ZNF503: variants seen among roughly 807,000 people sequenced by gnomAD.
ZNF503 encodes zinc finger protein 503.
In ZNF503, 15 loss-of-function variants were observed where a neutral mutation model predicts 34.4. That is an observed-to-expected ratio of 0.44 (90% CI 0.29 to 0.67). ZNF503 has a LOEUF of 0.67. Ranked by LOEUF, ZNF503 falls within the 30% of genes least tolerant of loss-of-function variation. ZNF503 has a pLI of 0.13. For synonymous variants in ZNF503, 580 were observed against 456.8 expected, an observed-to-expected ratio of 1.27 and a Z score of -3.44; for missense variants, 1,007 against 926.8, an observed-to-expected ratio of 1.09 and a Z score of -1.12.
chr10:75,329,434 C>CTTT, the ZNF503 span, among the ~76,000 whole-genome samples: 118 of 87,454 alleles, frequency 1.3e-3, no homozygotes, highest in Middle Eastern at 7.4e-3. Context: ...TTCCTTCCTT[C>CTTT]CTTTCTTTCT....
chr10:75,285,652 G>A, the ZNF503 span, among the ~76,000 whole-genome samples: 1 of 152,222 alleles, frequency 6.6e-6, no homozygotes, highest in African/African-American at 2.4e-5. Context: ...ACACTGACAT[G>A]ATAGGAATAT....
chr10:75,280,151 A>G, the ZNF503 span: 3 of 152,258 alleles, frequency 2.0e-5, no homozygotes, highest in Non-Finnish European at 2.9e-5. Context: ...AAAAAAAGAA[A>G]GAAAAAAGGG....
the ZNF503 span, among the ~76,000 whole-genome samples, chr10:75,285,946 G>A: frequency 6.6e-6 from 1 of 152,058 alleles, no homozygotes; most frequent in African/African-American, 2.4e-5. Context: ...CATTTGTATC[G>A]GGTGGGCTCA....
At chr10:75,330,929 T>C in the ZNF503 span, among the ~76,000 whole-genome samples, 4 of 152,172 alleles carry the variant, frequency 2.6e-5, no homozygotes, top group Non-Finnish European at 5.9e-5. Flanking sequence ...TTGAGATGCA[T>C]TGTTAGGTTT....
At chr10:75,368,953 G>C in the ZNF503 span, among the ~76,000 whole-genome samples, 2 of 152,208 alleles carry the variant, frequency 1.3e-5, no homozygotes, top group African/African-American at 4.8e-5. Context: ...CTGGAATGCA[G>C]GTATTCCATA....
At chr10:75,383,145 T>C in the ZNF503 span, among the ~76,000 whole-genome samples, 6 of 152,304 alleles carry the variant, frequency 3.9e-5, no homozygotes, top group African/African-American at 9.6e-5. Context: ...ATGGTCCTCA[T>C]TGTGTAACCT....
chr10:75,379,341 ATGT>A, the ZNF503 span, among the ~76,000 whole-genome samples: 1 of 152,172 alleles, frequency 6.6e-6, no homozygotes, highest in Non-Finnish European at 1.5e-5. Context: ...ACCATTAACG[ATGT>A]TGATTTTATC....
chr10:75,398,829 CG>C lies in ZNF503; in HGVS notation c.1860del (p.Ala621ProfsTer17). 6.7e-7 allele frequency: 1 copy of C among 1,498,732 alleles called. No individual in the cohort carries two copies. Among genetic ancestry groups the C allele is most frequent in the Non-Finnish European group, 8.8e-7 (1 of 1,130,270 alleles). The allele number at this position is 1,498,732 out of a possible 1,614,324, so 92.8% of individuals were successfully genotyped here. On this transcript the variant is annotated frameshift_variant, in exon 2 of 2. Coordinates refer to ENST00000372524, the MANE Select transcript of ZNF503 (RefSeq NM_032772.6). LOFTEE classifies it high-confidence loss of function. ...LPTPGAPVPVPAATGPYYSPY... is the reference protein window; with the variant it reads ...LPTPGAPVPVXAATGPYYSPY... ...GGGGAGTAGTACGGTCCGGTGGCGGCGGGCACCGGCACGGGGGCGCCAGGCG... is the reference window on the plus strand; with the variant it reads ...GGGGAGTAGTACGGTCCGGTGGCGGCGGCACCGGCACGGGGGCGCCAGGCG...
chr10:75,399,552 C>T lies in ZNF503; in HGVS notation c.1138G>A (p.Ala380Thr), dbSNP rs747904239. The change falls in exon 2 of 2, where the codon GCA becomes ACA. Residue 380 changes from alanine to threonine, a missense_variant. Coordinates refer to ENST00000372524, the MANE Select transcript of ZNF503 (RefSeq NM_032772.6). ...CTGCCCGGCTTGGTGGGGTCAAGTG[C>T]CACGCCGTGTGGCAGGAACTGGGGC... Reference protein sequence around the residue: ...YPPQFLPHGVALDPTKPGSLV... With the variant: ...YPPQFLPHGVTLDPTKPGSLV... 1.9e-6 allele frequency: 3 copies of T among 1,593,934 alleles called. No individual in the cohort carries two copies. The highest frequency in any genetic ancestry group is 2.2e-5 in the South Asian group (2 of 90,430).
In ZNF503 at chr10:75,399,076, G is replaced by A; in HGVS notation, c.1614C>T (p.His538=). The A allele has an allele frequency of 1.2e-6, 2 of 1,613,638 alleles. No homozygotes were observed. Among genetic ancestry groups the A allele is most frequent in the Non-Finnish European group, 8.5e-7 (1 of 1,179,852 alleles). Residue 538 remains histidine (H), a synonymous_variant, in exon 2 of 2, where the codon CAC becomes CAT. Coordinates refer to ENST00000372524, the MANE Select transcript of ZNF503 (RefSeq NM_032772.6). ...CGGGAAATGCCGTATGGGTCCGCAA[G>A]TGGCTCAGCAGCTCTTCGGACGTGG... ...RFATSEELLS[H]LRTHTAFPGT... is the part of the protein sequence containing the mutation.
chr10:75,361,161 T>A, the ZNF503 span: 2 of 152,248 alleles, frequency 1.3e-5, no homozygotes, highest in African/African-American at 4.8e-5. Flanking sequence ...CAGCTCTTAC[T>A]AAGTTGGGTA....
chr10:75,390,469 T>C, the ZNF503 span, among the ~76,000 whole-genome samples: 1 of 145,140 alleles, frequency 6.9e-6, no homozygotes, highest in Non-Finnish European at 1.5e-5. Context: ...CTTCTCATCC[T>C]CCTCTTCCTC....
the ZNF503 span, among the ~76,000 whole-genome samples, chr10:75,377,953 G>A: frequency 6.6e-6 from 1 of 152,280 alleles, no homozygotes; most frequent in Admixed American, 6.5e-5. Context: ...AAGTTGAAGG[G>A]TAAGCAGGTA....
the ZNF503 span, among the ~76,000 whole-genome samples, chr10:75,293,436 C>T: frequency 1.3e-5 from 2 of 152,162 alleles, no homozygotes; most frequent in Admixed American, 6.5e-5. Context: ...GAGGAGGAGA[C>T]GTTGCCTCAG....
chr10:75,288,452 C>A, the ZNF503 span: 1 of 152,472 alleles, frequency 6.6e-6, no homozygotes, highest in South Asian at 2.1e-4. Context: ...GCCATCAATT[C>A]CCAAACAGTA....
the ZNF503 span, among the ~76,000 whole-genome samples, chr10:75,371,498 C>T: frequency 6.6e-6 from 1 of 152,182 alleles, no homozygotes; most frequent in Non-Finnish European, 1.5e-5. Flanking sequence ...TCTTTTCCTG[C>T]TCCTCAGTCT....
rs142571704 is a variant in ZNF503 at position 75,400,348 on chromosome 10, C to T, written c.342G>A (p.Ala114=). The T allele has an allele frequency of 0.011, 17,349 of 1,609,898 alleles. 139 individuals are homozygous for T. The highest frequency in any genetic ancestry group is 0.013 in the Non-Finnish European group (15,272 of 1,177,526). Residue 114 remains alanine, a synonymous_variant, in exon 2 of 2, where the codon GCG becomes GCA. Coordinates refer to ENST00000372524, the MANE Select transcript of ZNF503 (RefSeq NM_032772.6). ...TCTGCGAACATGTTTGCGCCAACAG[C>T]GCCAGCGGGCTCTTCTTGGCATCGA... ...IELDAKKSPL[A]LLAQTCSQIG... is the part of the protein sequence containing the mutation.
chr10:75,393,606 C>T (rs1161979182), downstream of ZNF503, among the ~76,000 whole-genome samples: 2 of 152,148 alleles, frequency 1.3e-5, no homozygotes, highest in Admixed American at 6.5e-5. Context: ...CGCCTGTAAT[C>T]CCAGCACTTT....
rs773344807 is a variant in ZNF503 at position 75,401,450 on chromosome 10, G to C, written c.-31C>G. 22 of 1,520,096 alleles carry C rather than the reference G, an allele frequency of 1.4e-5. No homozygotes were observed. The highest frequency in any genetic ancestry group is 1.8e-5 in the Non-Finnish European group (21 of 1,140,652). The allele number at this position is 1,520,096 out of a possible 1,614,324, so 94.2% of individuals were successfully genotyped here. On this transcript the variant is annotated 5_prime_UTR_variant, in exon 1 of 2. Transcript: ENST00000372524. ...ACCCGCGCGCATGGGAGCAGCGGGG[G>C]GGAGGGCTCCGGGAGGCGCGGGGCG...
Sources: gnomAD v4.1 joint callset for allele counts (sites outside exome capture counted in the v4.1 genomes callset) on GRCh38, gnomAD v4.1.1 for gene constraint, MANE v1.5 for transcripts, NCBI Gene and HGNC (gene_info 2026-07-23, HGNC 2026-07-21) for gene names.